The following KRT84 variants were observed in gnomAD, a reference collection of about 807,000 sequenced individuals.
The protein encoded by KRT84 is keratin 84.
Under a neutral mutation model 49.0 loss-of-function variants are expected in KRT84, and 38 were observed. The observed-to-expected ratio is 0.78, with a 90% CI of 0.60 to 1.02. KRT84 has a LOEUF of 1.02. KRT84 is among the 50% of genes least tolerant of loss of function. The pLI is 0.00. For synonymous variants in KRT84, 334 were observed against 312.8 expected (o/e 1.07, Z -0.72); for missense variants, 860 against 788.6 (o/e 1.09, Z -1.08).
Position 52,380,264 on chromosome 12 carries a change from C to T in KRT84, c.1424+99G>A. On this transcript the variant is annotated intron_variant, in intron 7 of 8. Coordinates refer to ENST00000257951, the MANE Select transcript of KRT84 (RefSeq NM_033045.4). Reference sequence around the variant, plus strand: ...GAGAAGGTATTGTCATCTTTAAAGACTATGTATTTCTGCAGTTCTTCACTG... The same window carrying T: ...GAGAAGGTATTGTCATCTTTAAAGATTATGTATTTCTGCAGTTCTTCACTG... 2.9e-6 allele frequency: 4 copies of T among 1,384,896 alleles called. No individual in the cohort carries two copies. The South Asian group carries it at 5.3e-5, about 18-fold the overall frequency. The allele number at this position is 1,384,896 out of a possible 1,614,324, so 85.8% of individuals were successfully genotyped here. A position where few individuals can be genotyped will look rare whatever the true frequency, so the allele number is the denominator to read the frequency against.
intron 6 of KRT84, 25 bp from the exon 7 acceptor site, chr12:52,380,608 A>G: frequency 6.3e-7 from 1 of 1,575,394 alleles, no homozygotes; most frequent in East Asian, 2.3e-5. Flanking sequence ...GTTTGCAGGT[A>G]GGCTTCGGCA....
Position 52,378,152 on chromosome 12 carries a change from C to CA in KRT84, c.1684dup (p.Cys562LeufsTer70). ...CAGGGGGCAGGGGACGCTGGGGACA[C>CA]AGGCCTCGCTGATGAGCATGGAGCC... On this transcript the variant is annotated frameshift_variant, in exon 9 of 9. Coordinates refer to ENST00000257951, the MANE Select transcript of KRT84 (RefSeq NM_033045.4). LOFTEE classifies it high-confidence loss of function. 3 of 1,573,904 alleles carry CA rather than the reference C, an allele frequency of 1.9e-6. No individual in the cohort carries two copies. Among genetic ancestry groups the CA allele is most frequent in the Non-Finnish European group, 2.6e-6 (3 of 1,161,580 alleles).
chr12:52,381,599 C>T, intron 4 of KRT84, 74 bp from the exon 5 acceptor site: 1 of 1,487,990 alleles, frequency 6.7e-7, no homozygotes, highest in Non-Finnish European at 9.2e-7. Flanking sequence ...ACAGGGGGCC[C>T]AGGAAGTGGT....
intron 4 of KRT84, 65 bp from the exon 5 acceptor site, chr12:52,381,590 C>T: frequency 1.3e-6 from 2 of 1,526,872 alleles, no homozygotes; most frequent in Non-Finnish European, 1.8e-6. Context: ...GACTCTGCCA[C>T]AGGGGGCCCA....
Position 52,381,607 on chromosome 12 carries a change from G to T in KRT84, c.913-82C>A. ...CTCTGCCACAGGGGGCCCAGGAAGT[G>T]GTGCCAGGGGCAGAGAGCATCACTC... On this transcript the variant is annotated intron_variant, in intron 4 of 8. Transcript: ENST00000257951. The T allele has an allele frequency of 2.2e-6, 3 of 1,389,972 alleles. 1 individual carries two copies. The South Asian group carries it at 3.9e-5, about 18-fold the overall frequency. The allele number at this position is 1,389,972 out of a possible 1,614,324, so 86.1% of individuals were successfully genotyped here.
At chr12:52,380,685 A>ATCCCTGCCTTGGCCCC in intron 6 of KRT84, 102 bp from the exon 7 acceptor site, 3 of 1,243,664 alleles carry the variant, frequency 2.4e-6, no homozygotes, top group Non-Finnish European at 2.2e-6. Flanking sequence ...GCCTGGGGCC[A>ATCCCTGCCTTGGCCCC]AGGCAGGGAT....
upstream of KRT84, among the ~76,000 whole-genome samples, chr12:52,386,255 T>C (rs1444109946): frequency 6.6e-6 from 1 of 152,224 alleles, no homozygotes; most frequent in Non-Finnish European, 1.5e-5. Flanking sequence ...ATCTGTGATT[T>C]GAGACACTCA....
At position 52,381,186 on chromosome 12, in the gene KRT84, G is replaced by T; in HGVS notation, c.1097C>A (p.Thr366Lys). 6.2e-7 allele frequency: 1 copy of T among 1,614,164 alleles called. No individual in the cohort carries two copies. The highest frequency in any genetic ancestry group is 8.5e-7 in the Non-Finnish European group (1 of 1,180,024). The change falls in exon 6 of 9, where the codon ACA becomes AAA. Residue 366 changes from threonine (T) to lysine (K), a missense_variant. Thr to Lys is a moderately conservative substitution (Grantham distance 78, BLOSUM62 -1). Transcript: ENST00000257951. ...CAGGTTGTCACAGTGTTGGCCAGCT[G>T]TCACCTGCATCTCTTCATACTGCGG... The part of the protein sequence containing the change: ...YQTKYEEMQV[T>K]AGQHCDNLRN...
chr12:52,382,914 C>G (rs1939509040), intron 3 of KRT84, 91 bp downstream of exon 3: 7 of 1,062,236 alleles, frequency 6.6e-6, no homozygotes, highest in Middle Eastern at 2.5e-4. Context: ...GTCCCAGACT[C>G]CACAGGGCTG....
At position 52,381,151 on chromosome 12, in the gene KRT84, G is replaced by A. The variant is rs766410708; in HGVS notation, c.1132C>T (p.Arg378Trp). Reference protein sequence around the residue: ...GQHCDNLRNIRNEINELTRLI... With the variant: ...GQHCDNLRNIWNEINELTRLI... ...CGGGTCAGTTCGTTGATCTCGTTCCGTATGTTGCGCAGGTTGTCACAGTGT... is the reference window on the plus strand; with the variant it reads ...CGGGTCAGTTCGTTGATCTCGTTCCATATGTTGCGCAGGTTGTCACAGTGT... The change falls in exon 6 of 9, where the codon CGG becomes TGG. Residue 378 changes from arginine to tryptophan, a missense_variant. Arg to Trp is a moderately radical substitution (Grantham distance 101). Transcript: ENST00000257951. The A allele has an allele frequency of 3.0e-5, 48 of 1,613,994 alleles. No homozygotes were observed. Among genetic ancestry groups the A allele is most frequent in the Middle Eastern group, 1.6e-4 (1 of 6,082 alleles).
upstream of KRT84, among the ~76,000 whole-genome samples, chr12:52,386,630 C>CA (rs2121450608): frequency 6.6e-6 from 1 of 152,088 alleles, no homozygotes; most frequent in East Asian, 1.9e-4. Flanking sequence ...TTTTAGCCCC[C>CA]AAATATACCA....
At chr12:52,386,375 G>A (rs1156608765), upstream of KRT84, among the ~76,000 whole-genome samples, 1 of 146,918 alleles carries the variant, frequency 6.8e-6, no homozygotes, top group Non-Finnish European at 1.5e-5. Context: ...CATGGTAGTA[G>A]GGGAAGATTT....
rs764412517 is a variant in KRT84 at position 52,380,315 on chromosome 12, A to T, written c.1424+48T>A. The T allele has an allele frequency of 5.0e-6, 8 of 1,599,198 alleles. No individual in the cohort carries two copies. In the African/African-American group the frequency reaches 9.4e-5, roughly 19 times the overall value. On this transcript the variant is annotated intron_variant, in intron 7 of 8. Transcript: ENST00000257951. The stretch of plus-strand genomic sequence containing the variant: ...TCCCCTTCTCTTCCTTAGTCTTTCT[A>T]GATGCCTAAGTCTGACTTCACTCTC...
chr12:52,386,815 G>T (rs1939579247), upstream of KRT84, among the ~76,000 whole-genome samples: 1 of 152,112 alleles, frequency 6.6e-6, no homozygotes, highest in African/African-American at 2.4e-5. Context: ...GAGCCAGGCT[G>T]GTGTTTACCT....
At chr12:52,382,744 G>A (rs1021925006) in intron 3 of KRT84, among the ~76,000 whole-genome samples, 1 of 152,112 alleles carries the variant, frequency 6.6e-6, no homozygotes, top group Admixed American at 6.5e-5. Context: ...TTCAGTTAGA[G>A]GCAAAGAAAA....
chr12:52,383,884 C>CATGTGGTCAAGTCA, intron 1 of KRT84, 86 bp from the exon 2 acceptor site: 1 of 1,090,408 alleles, frequency 9.2e-7, no homozygotes, highest in Non-Finnish European at 1.3e-6. Context: ...CCAGCGATGA[C>CATGTGGTCAAGTCA]TTGACCACAT....
Position 52,383,077 on chromosome 12 carries a change from G to T in KRT84, c.756-12C>A, listed in dbSNP as rs1408181686. The T allele has an allele frequency of 5.0e-6, 8 of 1,611,862 alleles. No homozygotes were observed. The highest frequency in any genetic ancestry group is 5.9e-6 in the Non-Finnish European group (7 of 1,178,180). ...CTTCCTCTTCATACCTGATGATAAA[G>T]GTTAAGAGGGTGAGTGCTTACTCTG... is the stretch of plus-strand genomic sequence containing the variant. On this transcript the variant is annotated splice_polypyrimidine_tract_variant and intron_variant, in intron 2 of 8. Coordinates refer to ENST00000257951, the MANE Select transcript of KRT84 (RefSeq NM_033045.4).
In KRT84 at chr12:52,378,359, C is replaced by CCA; in HGVS notation, c.1477_1478insTG (p.Gly493ValfsTer56). The stretch of plus-strand genomic sequence containing the variant: ...CAAAGGCTCAGGCCCGCACACCAGG[C>CCA]CGCCCCGGGAGCTGCTGACGGCTGC... On this transcript the variant is annotated frameshift_variant, in exon 9 of 9. Coordinates refer to ENST00000257951, the MANE Select transcript of KRT84 (RefSeq NM_033045.4). LOFTEE classifies it low-confidence loss of function (END_TRUNC). 6.8e-7 allele frequency: 1 copy of CCA among 1,476,238 alleles called. No individual in the cohort carries two copies. The highest frequency in any genetic ancestry group is 2.4e-5 in the Admixed American group (1 of 42,314). The allele number at this position is 1,476,238 out of a possible 1,614,324, so 91.4% of individuals were successfully genotyped here. A position where few individuals can be genotyped will look rare whatever the true frequency, so the allele number is the denominator to read the frequency against.
In KRT84 at chr12:52,381,203, A is replaced by G. The variant is rs373726032; in HGVS notation, c.1080T>C (p.Tyr360=). The G allele has an allele frequency of 8.7e-6, 14 of 1,613,988 alleles. No homozygotes were observed. The highest frequency in any genetic ancestry group is 1.1e-5 in the South Asian group (1 of 91,052). ...GGCCAGCTGTCACCTGCATCTCTTC[A>G]TACTGCGGAGAGAGGAGGGTATTTT... ...ADAEAWYQTK[Y]EEMQVTAGQH... The change falls in exon 6 of 9, where the codon TAT becomes TAC. Residue 360 remains tyrosine, a splice_region_variant and synonymous_variant. Transcript: ENST00000257951.
Sources: gnomAD v4.1 joint callset for allele counts (sites outside exome capture counted in the v4.1 genomes callset) on GRCh38, gnomAD v4.1.1 for gene constraint, MANE v1.5 for transcripts, NCBI Gene and HGNC (gene_info 2026-07-23, HGNC 2026-07-21) for gene names.